The following PTCHD4 variants were observed in gnomAD, a reference collection of about 807,000 sequenced individuals.
PTCHD4 encodes the protein patched domain containing 4, also known as patched domain-containing protein 4.
In PTCHD4, 33 loss-of-function variants were observed where a neutral mutation model predicts 58.1. The ratio of observed to expected loss-of-function variants is 0.57; its 90% confidence interval spans 0.43 to 0.76. The LOEUF (loss-of-function observed/expected upper bound fraction) is 0.76. Ranked by LOEUF, PTCHD4 falls within the 30% of genes least tolerant of loss-of-function variation. PTCHD4 has a pLI of 0.00. For synonymous variants in PTCHD4, 478 were observed against 409.6 expected (o/e 1.17, Z -2.02); for missense variants, 1,058 against 1,027.1 (o/e 1.03, Z -0.41).
At chr6:47,925,179 A>ATG (rs1380938074) in intron 4 of PTCHD4, among the ~76,000 whole-genome samples, 3 of 146,040 alleles carry the variant, frequency 2.1e-5, no homozygotes, top group African/African-American at 7.9e-5. Context: ...TATATTATAT[A>ATG]TATGTGTGTG....
intron 4 of PTCHD4, among the ~76,000 whole-genome samples, chr6:47,979,473 G>A (rs1195292877): frequency 2.6e-5 from 4 of 152,054 alleles, no homozygotes; most frequent in African/African-American, 9.7e-5. Context: ...GAATAGCTAT[G>A]TGATAAAAAA....
chr6:47,939,340 T>C (rs1343530164), intron 4 of PTCHD4, among the ~76,000 whole-genome samples: 1 of 151,318 alleles, frequency 6.6e-6, no homozygotes, highest in African/African-American at 2.5e-5. Flanking sequence ...ATGTCTCTGG[T>C]TGGAGACTAT....
At chr6:48,001,864 C>A (rs185988061) in intron 4 of PTCHD4, among the ~76,000 whole-genome samples, 3 of 152,080 alleles carry the variant, frequency 2.0e-5, no homozygotes, top group African/African-American at 4.8e-5. Context: ...TACTCATCTG[C>A]CAAAGGGCTA....
chr6:47,931,538 CAGGTAATTGTAA>C (rs1457178873), intron 4 of PTCHD4, among the ~76,000 whole-genome samples: 1 of 152,106 alleles, frequency 6.6e-6, no homozygotes, highest in Non-Finnish European at 1.5e-5. Flanking sequence ...TGGAGAAAAA[CAGGTAATTGTAA>C]AATCGTTGCT....
At chr6:48,099,816 G>T (rs1411803) in intron 1 of PTCHD4, among the ~76,000 whole-genome samples, 148,578 of 152,340 alleles carry the variant, frequency 0.98, 72,474 homozygotes, top group East Asian at 1. Context: ...TGTTTATGCA[G>T]AGATTTAATG....
rs998000654 is a variant in PTCHD4, at chr6:47,875,236, C to T, written c.*3067G>A. Among the ~76,000 whole-genome samples, 3 of 151,804 alleles carry T rather than the reference C, an allele frequency of 2.0e-5. No homozygotes were observed. The highest frequency in any genetic ancestry group is 7.2e-5 in the African/African-American group (3 of 41,386). ...ACAGATAAGTTCCTAATTTGAATGG[C>T]ATTAGTACTTCATAAATGAACAAAA... On this transcript the variant is annotated 3_prime_UTR_variant, in exon 5 of 5. Coordinates refer to ENST00000339488, the MANE Select transcript of PTCHD4 (RefSeq NM_001384253.1).
intron 3 of PTCHD4, among the ~76,000 whole-genome samples, chr6:48,044,537 T>C (rs1376603690): frequency 6.6e-6 from 1 of 151,836 alleles, no homozygotes; most frequent in East Asian, 1.9e-4. Context: ...AGTGACACTG[T>C]GTTTTTTAAT....
intron 4 of PTCHD4, among the ~76,000 whole-genome samples, chr6:47,895,052 T>C (rs576580418): frequency 6.6e-6 from 1 of 152,238 alleles, no homozygotes; most frequent in Admixed American, 6.5e-5. Flanking sequence ...GGAGAATCGC[T>C]TGAACCCATG....
chr6:47,934,449 G>GA (rs111652331), intron 4 of PTCHD4, among the ~76,000 whole-genome samples: 40 of 146,296 alleles, frequency 2.7e-4, no homozygotes, highest in African/African-American at 6.0e-4. Flanking sequence ...ATTAAGCCAA[G>GA]AAAAAAAAAA....
chr6:47,885,882 G>A (rs1764176918), intron 4 of PTCHD4, among the ~76,000 whole-genome samples: 2 of 152,106 alleles, frequency 1.3e-5, no homozygotes, highest in African/African-American at 4.8e-5. Context: ...GCGGTGGCGA[G>A]ATCTCAGCTC....
chr6:48,029,543 A>G (rs1763364381), intron 3 of PTCHD4, among the ~76,000 whole-genome samples: 1 of 152,122 alleles, frequency 6.6e-6, no homozygotes, highest in Non-Finnish European at 1.5e-5. Context: ...TAAATTTTCT[A>G]GACTTAAATA....
intron 4 of PTCHD4, among the ~76,000 whole-genome samples, chr6:48,007,423 C>T (rs1282195808): frequency 6.6e-6 from 1 of 152,164 alleles, no homozygotes; most frequent in African/African-American, 2.4e-5. Flanking sequence ...AGAAGACTTT[C>T]TGACCACACG....
chr6:47,961,295 T>A (rs1011232148), intron 4 of PTCHD4, among the ~76,000 whole-genome samples: 1 of 151,704 alleles, frequency 6.6e-6, no homozygotes, highest in Non-Finnish European at 1.5e-5. Context: ...TTCTTTCTTT[T>A]TTTTTTTTCT....
intron 3 of PTCHD4, among the ~76,000 whole-genome samples, chr6:48,024,329 G>A (rs1209744945): frequency 6.6e-6 from 1 of 152,086 alleles, no homozygotes; most frequent in Admixed American, 6.6e-5. Context: ...GGTGTATTTA[G>A]CTAAAATGAA....
At chr6:48,095,176 C>T (rs1419849443) in intron 1 of PTCHD4, among the ~76,000 whole-genome samples, 2 of 152,014 alleles carry the variant, frequency 1.3e-5, no homozygotes, top group Non-Finnish European at 2.9e-5. Flanking sequence ...TTCCTTACTG[C>T]CAATTATAAA....
chr6:48,045,745 C>T lies in PTCHD4; in HGVS notation c.417+22485G>A, dbSNP rs144652588. ...AAAGTAACAAGGCCAGGATGCAATT[C>T]CAAGTTGGTCTGATTCCAGAGATTT... On this transcript the variant is annotated intron_variant, in intron 3 of 4. Coordinates refer to ENST00000339488, the MANE Select transcript of PTCHD4 (RefSeq NM_001384253.1). Among the ~76,000 whole-genome samples, 144 of 151,564 alleles carry T rather than the reference C, an allele frequency of 9.5e-4. No homozygotes were observed. In the South Asian group the frequency reaches 0.015, roughly 16 times the overall value.
chr6:48,075,424 A>C (rs1402775779), intron 1 of PTCHD4, among the ~76,000 whole-genome samples: 1 of 151,422 alleles, frequency 6.6e-6, no homozygotes, highest in East Asian at 1.9e-4. Context: ...GATTTCAGAC[A>C]ATCAAGTTTT....
At position 47,858,887 on chromosome 6, in the gene PTCHD4, A is replaced by G. The variant is rs1206157817; in HGVS notation, c.*19416T>C. On this transcript the variant is annotated 3_prime_UTR_variant, in exon 5 of 5. Coordinates refer to ENST00000339488, the MANE Select transcript of PTCHD4 (RefSeq NM_001384253.1). ...TGAATCTATGAATTTAAACTACCCC[A>G]TTTCTCCTTAATTCTTTCAGCCATT... Among the ~76,000 whole-genome samples, 1 of 152,024 alleles carries G rather than the reference A, an allele frequency of 6.6e-6. No individual in the cohort carries two copies. The highest frequency in any genetic ancestry group is 2.4e-5 in the African/African-American group (1 of 41,428).
At chr6:47,954,878 T>C (rs1196485282) in intron 4 of PTCHD4, among the ~76,000 whole-genome samples, 1 of 152,056 alleles carries the variant, frequency 6.6e-6, no homozygotes, top group Non-Finnish European at 1.5e-5. Context: ...TGAGACTAGG[T>C]CATAAAAAAG....
Sources: allele counts gnomAD v4.1 joint callset (sites outside exome capture counted in the v4.1 genomes callset), GRCh38; gene constraint gnomAD v4.1.1; transcripts MANE v1.5; gene names NCBI Gene and HGNC (gene_info 2026-07-23, HGNC 2026-07-21).